The following KCTD8 variants were observed in gnomAD, a reference collection of about 807,000 sequenced individuals.
The protein encoded by KCTD8 is BTB/POZ domain-containing protein KCTD8.
Under a neutral mutation model 31.5 loss-of-function variants are expected in KCTD8, and 27 were observed. The observed-to-expected ratio is 0.86, with a 90% CI of 0.63 to 1.18. The LOEUF (loss-of-function observed/expected upper bound fraction) is 1.18, where lower values mean the gene tolerates loss of function less well. Among genes scored for constraint, KCTD8 ranks in the 50% most tolerant of loss-of-function variants. The probability of loss-of-function intolerance (pLI) is 0.00; values close to 1 mark genes in which losing one functional copy is unlikely to be tolerated. For missense variants in KCTD8, 658 were observed against 647.7 expected, an observed-to-expected ratio of 1.02 and a Z score of -0.17; for synonymous variants, 290 against 280.0, an observed-to-expected ratio of 1.04 and a Z score of -0.36.
chr4:44,363,806 T>C (rs537112560), intron 1 of KCTD8, among the ~76,000 whole-genome samples: 1 of 152,200 alleles, frequency 6.6e-6, no homozygotes, highest in African/African-American at 2.4e-5. Flanking sequence ...ATCAGTAACA[T>C]GGGGGTTGGT....
At chr4:44,197,751 C>T (rs1713990974) in intron 1 of KCTD8, among the ~76,000 whole-genome samples, 1 of 152,106 alleles carries the variant, frequency 6.6e-6, no homozygotes, top group South Asian at 2.1e-4. Flanking sequence ...TTCAAAAAGC[C>T]AGTGTGTCCC....
chr4:44,207,529 G>A (rs1476215770), intron 1 of KCTD8, among the ~76,000 whole-genome samples: 4 of 152,072 alleles, frequency 2.6e-5, no homozygotes, highest in Non-Finnish European at 5.9e-5. Context: ...TTGAATTGTT[G>A]AATAAATAAA....
intron 1 of KCTD8, among the ~76,000 whole-genome samples, chr4:44,247,266 A>G (rs574266532): frequency 6.6e-6 from 1 of 152,138 alleles, no homozygotes; most frequent in South Asian, 2.1e-4. Context: ...CAAAAGGGAA[A>G]AAAAAGCATC....
chr4:44,325,156 T>C (rs1718410339), intron 1 of KCTD8, among the ~76,000 whole-genome samples: 1 of 152,012 alleles, frequency 6.6e-6, no homozygotes, highest in Admixed American at 6.6e-5. Flanking sequence ...TATGTAAATA[T>C]CTAGCCACAG....
intron 1 of KCTD8, among the ~76,000 whole-genome samples, chr4:44,289,031 AT>A (rs1334333529): frequency 6.6e-6 from 1 of 151,374 alleles, no homozygotes; most frequent in Non-Finnish European, 1.5e-5. Context: ...CATCTTTTTT[AT>A]TTAGTTTTAT....
intron 1 of KCTD8, among the ~76,000 whole-genome samples, chr4:44,194,869 T>G (rs1426101933): frequency 7.1e-6 from 1 of 139,896 alleles, no homozygotes; most frequent in East Asian, 2.3e-4. Context: ...CTCTCTTTTT[T>G]TTTTGGATGG....
intron 1 of KCTD8, among the ~76,000 whole-genome samples, chr4:44,205,339 C>A (rs377031339): frequency 1.3e-5 from 2 of 152,020 alleles, no homozygotes; most frequent in Admixed American, 1.3e-4. Context: ...GTGAAACGTA[C>A]CTGTAGAAAT....
At chr4:44,285,336 G>T (rs1280591001) in intron 1 of KCTD8, among the ~76,000 whole-genome samples, 1 of 152,032 alleles carries the variant, frequency 6.6e-6, no homozygotes, top group Admixed American at 6.6e-5. Flanking sequence ...CATGGATGAA[G>T]CTGGAAACCA....
At chr4:44,200,868 T>A (rs915846654) in intron 1 of KCTD8, among the ~76,000 whole-genome samples, 4 of 151,686 alleles carry the variant, frequency 2.6e-5, no homozygotes, top group Admixed American at 2.6e-4. Context: ...AGTTAAACAC[T>A]CTCTCTCTTT....
chr4:44,330,813 T>C (rs1162055444), intron 1 of KCTD8, among the ~76,000 whole-genome samples: 1 of 151,874 alleles, frequency 6.6e-6, no homozygotes, highest in Non-Finnish European at 1.5e-5. Flanking sequence ...ATGATGACAA[T>C]GAAGGAGATG....
intron 1 of KCTD8, among the ~76,000 whole-genome samples, chr4:44,194,494 T>A (rs1172550057): frequency 1.3e-5 from 2 of 152,200 alleles, no homozygotes; most frequent in Non-Finnish European, 2.9e-5. Flanking sequence ...TACTTAATTA[T>A]GAGCTATATT....
chr4:44,446,281 T>C (rs762954414), intron 1 of KCTD8, among the ~76,000 whole-genome samples: 4 of 152,172 alleles, frequency 2.6e-5, no homozygotes, highest in Non-Finnish European at 5.9e-5. Flanking sequence ...AGTTCCCAAT[T>C]ACTGTAGTGA....
intron 1 of KCTD8, among the ~76,000 whole-genome samples, chr4:44,176,892 T>TATCTATCTATCTATCTATC (rs1365937781): frequency 6.6e-6 from 1 of 152,058 alleles, no homozygotes; most frequent in Non-Finnish European, 1.5e-5. Context: ...TCTATCTATC[T>TATCTATCTATCTATCTATC]ATCTATCTCA....
At chr4:44,223,330 T>C (rs1224842983) in intron 1 of KCTD8, among the ~76,000 whole-genome samples, 2 of 152,104 alleles carry the variant, frequency 1.3e-5, no homozygotes, top group Non-Finnish European at 2.9e-5. Flanking sequence ...AAAACTAATA[T>C]AGCATTTTAT....
At chr4:44,210,196 T>C (rs1283440626) in intron 1 of KCTD8, among the ~76,000 whole-genome samples, 1 of 152,236 alleles carries the variant, frequency 6.6e-6, no homozygotes, top group Non-Finnish European at 1.5e-5. Flanking sequence ...TCTCTTTCTC[T>C]GTGAAATGTT....
intron 1 of KCTD8, chr4:44,293,768 C>A (rs2109386987): frequency 2.2e-6 from 1 of 450,032 alleles, no homozygotes; most frequent in East Asian, 7.0e-5. Context: ...AACATAGCCA[C>A]TTGAAAATTA....
intron 1 of KCTD8, among the ~76,000 whole-genome samples, chr4:44,263,976 G>A (rs949091440): frequency 6.6e-6 from 1 of 152,132 alleles, no homozygotes; most frequent in Non-Finnish European, 1.5e-5. Flanking sequence ...GGGATATGTG[G>A]TCACATTTGA....
intron 1 of KCTD8, among the ~76,000 whole-genome samples, chr4:44,244,694 G>C (rs570601990): frequency 5.3e-5 from 8 of 152,150 alleles, no homozygotes; most frequent in African/African-American, 1.9e-4. Context: ...TCATTCCAAA[G>C]GGGTCCTGTT....
chr4:44,314,496 T>A (rs1224545280), intron 1 of KCTD8, among the ~76,000 whole-genome samples: 1 of 152,124 alleles, frequency 6.6e-6, no homozygotes, highest in Non-Finnish European at 1.5e-5. Context: ...TTACACAAGT[T>A]ATATATGCTC....
Sources: allele counts gnomAD v4.1 joint callset (sites outside exome capture counted in the v4.1 genomes callset), GRCh38; gene constraint gnomAD v4.1.1; transcripts MANE v1.5; gene names NCBI Gene and HGNC (gene_info 2026-07-23, HGNC 2026-07-21).